The following PSPC1 variants were observed in gnomAD, a reference collection of about 807,000 sequenced individuals.
The protein encoded by PSPC1 is paraspeckle component 1, also known as paraspeckle protein 1.
In PSPC1, 14 loss-of-function variants were observed where a neutral mutation model predicts 51.6. That is an observed-to-expected ratio of 0.27 (90% confidence interval 0.18 to 0.42). PSPC1 has a LOEUF of 0.42. PSPC1 is among the 10% of genes least tolerant of loss of function. PSPC1 has a pLI of 1.00. For synonymous variants in PSPC1, 193 were observed against 231.9 expected (o/e 0.83, Z 1.53); for missense variants, 406 against 701.1 (o/e 0.58, Z 4.75).
In PSPC1 at chr13:19,754,286, A is replaced by T. The variant is rs554653496; in HGVS notation, c.771-2819T>A. ...GTTTTAGTAGAGACGGGGTTTCACCATGTTGGCCAGGCTGGTCTCCAACTC... is the reference window on the plus strand; with the variant it reads ...GTTTTAGTAGAGACGGGGTTTCACCTTGTTGGCCAGGCTGGTCTCCAACTC... On this transcript the variant is annotated intron_variant, in intron 3 of 8. Coordinates refer to ENST00000338910, the MANE Select transcript of PSPC1 (RefSeq NM_001354909.2). Among the ~76,000 whole-genome samples, 477 of 151,728 alleles carry T rather than the reference A, an allele frequency of 3.1e-3. 2 individuals carry two copies. Among genetic ancestry groups the T allele is most frequent in the Non-Finnish European group, 4.9e-3 (333 of 67,956 alleles).
chr13:19,681,231 A>G (rs1186333902), intron 6 of PSPC1, among the ~76,000 whole-genome samples: 1 of 152,146 alleles, frequency 6.6e-6, no homozygotes, highest in Non-Finnish European at 1.5e-5. Context: ...AGAATAAAAT[A>G]AAATGTAAAG....
intron 6 of PSPC1, among the ~76,000 whole-genome samples, chr13:19,684,363 G>T (rs1877616605): frequency 6.6e-6 from 1 of 152,130 alleles, no homozygotes; most frequent in Non-Finnish European, 1.5e-5. Context: ...GAACTTACCT[G>T]AACAGCCTCC....
At chr13:19,774,670 T>C (rs1288575018) in intron 1 of PSPC1, among the ~76,000 whole-genome samples, 1 of 150,266 alleles carries the variant, frequency 6.7e-6, no homozygotes, top group Non-Finnish European at 1.5e-5. Flanking sequence ...CGGGGCATGG[T>C]GGTAAGCGCC....
intron 5 of PSPC1, among the ~76,000 whole-genome samples, chr13:19,731,237 T>C (rs758660601): frequency 3.4e-4 from 52 of 152,216 alleles, no homozygotes; most frequent in Non-Finnish European, 6.8e-4. Flanking sequence ...TTACTGTCTA[T>C]GGTTACTTTT....
At chr13:19,684,540 C>G (rs921440725) in intron 6 of PSPC1, among the ~76,000 whole-genome samples, 1 of 152,146 alleles carries the variant, frequency 6.6e-6, no homozygotes, top group African/African-American at 2.4e-5. Context: ...CACGTAAAAC[C>G]ATTTAAAAAA....
chr13:19,709,664 A>T, intron 6 of PSPC1, 65 bp from the exon 7 acceptor site: 1 of 1,266,950 alleles, frequency 7.9e-7, no homozygotes, highest in South Asian at 1.4e-5. Flanking sequence ...TCCCATCTAA[A>T]ATCAAAAAGA....
chr13:19,731,745 A>G (rs1366102131), intron 5 of PSPC1, among the ~76,000 whole-genome samples: 5 of 152,138 alleles, frequency 3.3e-5, no homozygotes, highest in African/African-American at 4.8e-5. Flanking sequence ...ATGATGTTTA[A>G]AAAAATGCTC....
intron 1 of PSPC1, among the ~76,000 whole-genome samples, chr13:19,777,429 CAAAAAAAAAAAA>C (rs397938970): frequency 4.2e-5 from 2 of 47,912 alleles, no homozygotes; most frequent in East Asian, 5.6e-4. Context: ...GACCTCAGCT[CAAAAAAAAAAAA>C]AAAAAAAAAA....
At chr13:19,725,604 TAAACAAAACA>T (rs532633919) in intron 6 of PSPC1, among the ~76,000 whole-genome samples, 4 of 151,070 alleles carry the variant, frequency 2.6e-5, no homozygotes, top group South Asian at 2.1e-4. Flanking sequence ...TAGGGCAAAA[TAAACAAAACA>T]AAACAAAACA....
At chr13:19,760,672 G>A (rs1261764377) in intron 2 of PSPC1, among the ~76,000 whole-genome samples, 1 of 151,866 alleles carries the variant, frequency 6.6e-6, no homozygotes, top group East Asian at 2.0e-4. Context: ...TGGGAAAGAT[G>A]ACGAGATCCT....
At chr13:19,717,727 AAG>A (rs1555233279) in intron 6 of PSPC1, among the ~76,000 whole-genome samples, 1 of 151,002 alleles carries the variant, frequency 6.6e-6, no homozygotes, top group Non-Finnish European at 1.5e-5. Context: ...AAAAAAAAAA[AAG>A]TTAGCCGGGC....
At position 19,745,524 on chromosome 13, in the gene PSPC1, T is replaced by G. The variant is rs577332697; in HGVS notation, c.968-3875A>C. 5.3e-5 allele frequency among the ~76,000 whole-genome samples: 8 copies of G among 152,300 alleles called. No homozygotes were observed. In the East Asian group the frequency reaches 1.3e-3, roughly 26 times the overall value. ...TGAAAACTGAATGTATAACTTCTGA[T>G]CTAACAATTTTATTTTCTAAAAATA... On this transcript the variant is annotated intron_variant, in intron 4 of 8. Transcript: ENST00000338910.
intron 1 of PSPC1, among the ~76,000 whole-genome samples, chr13:19,778,033 A>G (rs1200737476): frequency 6.6e-6 from 1 of 152,080 alleles, no homozygotes; most frequent in Non-Finnish European, 1.5e-5. Flanking sequence ...CACGAGGTCA[A>G]TAGGTCAAGA....
intron 2 of PSPC1, among the ~76,000 whole-genome samples, chr13:19,759,865 A>AC (rs1487010130): frequency 6.6e-6 from 1 of 151,758 alleles, no homozygotes; most frequent in Non-Finnish European, 1.5e-5. Context: ...CCATCACAAA[A>AC]AAAAAAAAAA....
chr13:19,748,336 TAAGTAC>T (rs1886198175), intron 4 of PSPC1, among the ~76,000 whole-genome samples: 1 of 152,260 alleles, frequency 6.6e-6, no homozygotes, highest in African/African-American at 2.4e-5. Context: ...TTGGATCAAA[TAAGTAC>T]AAGTACTTCG....
At chr13:19,701,939 T>G (rs1023058442), downstream of PSPC1, among the ~76,000 whole-genome samples, 4 of 152,240 alleles carry the variant, frequency 2.6e-5, no homozygotes, top group South Asian at 2.1e-4. Context: ...GTTATGACTT[T>G]GTTTTGCAAT....
At chr13:19,715,441 T>A (rs931831423) in intron 6 of PSPC1, among the ~76,000 whole-genome samples, 1 of 152,164 alleles carries the variant, frequency 6.6e-6, no homozygotes, top group African/African-American at 2.4e-5. Context: ...TGGGCTATCA[T>A]GAAACAAGGT....
chr13:19,771,574 T>G (rs1023341913), intron 2 of PSPC1, among the ~76,000 whole-genome samples: 1 of 152,072 alleles, frequency 6.6e-6, no homozygotes, highest in African/African-American at 2.4e-5. Context: ...TAGGTGGGAT[T>G]ACAGGGATGT....
chr13:19,709,070 G>T (rs1435703809), intron 7 of PSPC1, among the ~76,000 whole-genome samples: 1 of 146,286 alleles, frequency 6.8e-6, no homozygotes, highest in African/African-American at 2.5e-5. Context: ...AAGATGGAAG[G>T]ACCACTTGAG....
Sources: gnomAD v4.1 joint callset for allele counts (sites outside exome capture counted in the v4.1 genomes callset) on GRCh38, gnomAD v4.1.1 for gene constraint, MANE v1.5 for transcripts, NCBI Gene and HGNC (gene_info 2026-07-23, HGNC 2026-07-21) for gene names.